Variants in COL1A1 observed in about 807,000 individuals in gnomAD.
COL1A1 encodes the protein collagen alpha-1(I) chain.
A neutral mutation model predicts 195.7 loss-of-function variants in COL1A1; 21 were observed. The ratio of observed to expected loss-of-function variants is 0.11; its 90% CI spans 0.08 to 0.15. The LOEUF is 0.15. COL1A1 is among the 10% of genes least tolerant of loss of function. COL1A1 has a pLI of 1.00. For synonymous variants in COL1A1, 749 were observed against 747.3 expected, an observed-to-expected ratio of 1.00 and a Z score of -0.04; for missense variants, 1,365 against 2,051.0, an observed-to-expected ratio of 0.67 and a Z score of 6.46.
At chr17:50,198,130 G>A in intron 7 of COL1A1, 31 bp downstream of exon 7, 1 of 1,613,784 alleles carries the variant, frequency 6.2e-7, no homozygotes, top group Non-Finnish European at 8.5e-7. Context: ...CAAAGCCCAA[G>A]GAGGCATATG....
Position 50,188,735 on chromosome 17 carries a change from A to C in COL1A1, c.3099+7T>G, listed in dbSNP as rs201682029. ...AAGGCTGTGGTCATGGAGTGTTGCCATCTTACCTTGGCGCCAGGAGAACCG... is the reference window on the plus strand; with the variant it reads ...AAGGCTGTGGTCATGGAGTGTTGCCCTCTTACCTTGGCGCCAGGAGAACCG... On this transcript the variant is annotated splice_region_variant and intron_variant, in intron 42 of 50. Transcript: ENST00000225964. This position sits in a 1 kb window ranked among gnomAD's most constrained non-coding sequence, Gnocchi z 5.6. 1.2e-6 allele frequency: 2 copies of C among 1,614,018 alleles called. No individual in the cohort carries two copies. Among genetic ancestry groups the C allele is most frequent in the Non-Finnish European group, 8.5e-7 (1 of 1,179,946 alleles).
rs745320719 is a variant in COL1A1 at position 50,186,824 on chromosome 17, G to A, written c.3630C>T (p.His1210=). Residue 1210 remains histidine, a synonymous_variant, in exon 48 of 51, where the codon CAC becomes CAT. Transcript: ENST00000225964. This position sits in a 1 kb window ranked among gnomAD's most constrained non-coding sequence, Gnocchi z 5.3. ...CAGCCCGGTAGTAGCGGCCACCATC[G>A]TGAGCCTTCTCTTGAGGTGGCTGGG... is the stretch of plus-strand genomic sequence containing the variant. ...FLPQPPQEKA[H]DGGRYYRADD... The A allele has an allele frequency of 1.4e-5, 22 of 1,614,054 alleles. No homozygotes were observed. Among genetic ancestry groups the A allele is most frequent in the South Asian group, 4.4e-5 (4 of 91,088 alleles).
Position 50,188,350 on chromosome 17 carries a change from G to T in COL1A1, c.3207+180C>A. The T allele has an allele frequency of 2.5e-6, 2 of 813,432 alleles. No homozygotes were observed. Among genetic ancestry groups the T allele is most frequent in the East Asian group, 2.7e-5 (1 of 37,542 alleles). The allele number at this position is 813,432 out of a possible 1,614,324, so 50.4% of individuals were successfully genotyped here. The stretch of plus-strand genomic sequence containing the variant: ...CTCATGGGAGAGGCGGTCCTGTCTG[G>T]GAGAGGGGACTTGGGGCTGAGCTTT... On this transcript the variant is annotated intron_variant, in intron 43 of 50. Transcript: ENST00000225964. The surrounding 1 kb of genome is among the most constrained non-coding windows in gnomAD (Gnocchi z 5.6).
At position 50,190,673 on chromosome 17, in the gene COL1A1, C is replaced by T. The variant is rs1906998562; in HGVS notation, c.2344-77G>A. The T allele has an allele frequency of 6.5e-7, 1 of 1,548,694 alleles. No homozygotes were observed. The highest frequency in any genetic ancestry group is 8.9e-7 in the Non-Finnish European group (1 of 1,126,536). ...TAGTAGATGACCCCAGGAGAGCCTC[C>T]CCTCCTTCTGGTCCCTCCAGGTTCC... On this transcript the variant is annotated intron_variant, in intron 33 of 50. Transcript: ENST00000225964. This position sits in a 1 kb window ranked among gnomAD's most constrained non-coding sequence, Gnocchi z 4.7.
chr17:50,189,414 G>T lies in COL1A1; in HGVS notation c.2792C>A (p.Ala931Asp). The change falls in exon 39 of 51, where the codon GCT becomes GAT. Residue 931 changes from alanine to aspartate, a missense_variant. Ala to Asp is a moderately radical substitution (Grantham distance 126, BLOSUM62 -2). Around this residue, in one of 5 missense-constraint regions of COL1A1, gnomAD observed 671 missense variants for 1,099.9 expected, o/e 0.61. Transcript: ENST00000225964. The surrounding 1 kb of genome is among the most constrained non-coding windows in gnomAD (Gnocchi z 5.5). ...AGCACCAGGGGATCCTTTCTCGCCA[G>T]CAGGGCCAGGGGGACCAGGGGGACC... ...EVGPPGPPGPAGEKGSPGADG... is the reference protein window; with the variant it reads ...EVGPPGPPGPDGEKGSPGADG... 1 of 1,613,748 alleles carries T rather than the reference G, an allele frequency of 6.2e-7. No homozygotes were observed. The highest frequency in any genetic ancestry group is 8.5e-7 in the Non-Finnish European group (1 of 1,179,976).
rs769282969 is a variant in COL1A1, at chr17:50,189,553, G to C, written c.2668-15C>G. 19 of 1,613,572 alleles carry C rather than the reference G, an allele frequency of 1.2e-5. No homozygotes were observed. The highest frequency in any genetic ancestry group is 1.6e-5 in the Non-Finnish European group (19 of 1,179,886). ...CCAGCATTTCCCTGGATGAGGATAG[G>C]AGGGGCTGTCAGACTCCAGGGGGCT... is the stretch of plus-strand genomic sequence containing the variant. On this transcript the variant is annotated splice_polypyrimidine_tract_variant and intron_variant, in intron 38 of 50. Transcript: ENST00000225964. This position sits in a 1 kb window ranked among gnomAD's most constrained non-coding sequence, Gnocchi z 5.5.
Position 50,195,731 on chromosome 17 carries a change from C to A in COL1A1, c.1057-66G>T. 1 of 1,511,942 alleles carries A rather than the reference C, an allele frequency of 6.6e-7. No homozygotes were observed. The highest frequency in any genetic ancestry group is 9.1e-7 in the Non-Finnish European group (1 of 1,096,938). The allele number at this position is 1,511,942 out of a possible 1,614,324, so 93.7% of individuals were successfully genotyped here. On this transcript the variant is annotated intron_variant, in intron 16 of 50. Transcript: ENST00000225964. The surrounding 1 kb of genome is among the most constrained non-coding windows in gnomAD (Gnocchi z 4.3). ...AACCCAACCTTGCCTCTCGGGATGG[C>A]AGGAGGAAGGGGAGACAGGGACAGG...
chr17:50,200,966 G>A (rs373694833), intron 1 of COL1A1, among the ~76,000 whole-genome samples: 2 of 152,186 alleles, frequency 1.3e-5, no homozygotes, highest in Admixed American at 6.5e-5. Flanking sequence ...CCCCCTCCGC[G>A]GCTGCCCAGC....
chr17:50,198,583 C>A, intron 5 of COL1A1, 79 bp from the exon 6 acceptor site: 1 of 1,099,750 alleles, frequency 9.1e-7, no homozygotes, highest in South Asian at 1.3e-5. Context: ...AAGAAACTGA[C>A]ATCATGCACT....
chr17:50,187,235 C>T lies in COL1A1; in HGVS notation c.3424-113G>A, dbSNP rs1228666237. 3.2e-6 allele frequency: 3 copies of T among 943,832 alleles called. No individual in the cohort carries two copies. In the African/African-American group the frequency reaches 4.9e-5, roughly 15 times the overall value. The allele number at this position is 943,832 out of a possible 1,614,324, so 58.5% of individuals were successfully genotyped here. A position where few individuals can be genotyped will look rare whatever the true frequency, so the allele number is the denominator to read the frequency against. ...GCTCTGGCCCCACGGCTCATAGAGC[C>T]AGCCTCAGCCTCTTTCCATAGGACA... On this transcript the variant is annotated intron_variant, in intron 46 of 50. Coordinates refer to ENST00000225964, the MANE Select transcript of COL1A1 (RefSeq NM_000088.4).
intron 29 of COL1A1, 84 bp from the exon 30 acceptor site, chr17:50,192,108 G>T: frequency 1.4e-6 from 2 of 1,453,116 alleles, no homozygotes; most frequent in South Asian, 1.2e-5. Context: ...TTCCTCCTGG[G>T]GTCTGGCCGT....
In COL1A1 at chr17:50,199,944, G is replaced by T. The variant is rs1198474319; in HGVS notation, c.107C>A (p.Pro36Gln). The T allele has an allele frequency of 6.2e-7, 1 of 1,614,040 alleles. No homozygotes were observed. The highest frequency in any genetic ancestry group is 1.1e-5 in the South Asian group (1 of 91,088). The change falls in exon 2 of 51, where the codon CCA becomes CAA. Residue 36 changes from proline (P) to glutamine (Q), a missense_variant. Coordinates refer to ENST00000225964, the MANE Select transcript of COL1A1 (RefSeq NM_000088.4). ...GQVEGQDEDIPPITCVQNGLR... is the reference protein window; with the variant it reads ...GQVEGQDEDIQPITCVQNGLR... ...GCCGTTCTGTACGCAGGTGATTGGT[G>T]GGACTGGGACAGGCGGAAGAGGGGC...
In COL1A1 at chr17:50,188,830, C is replaced by T. The variant is rs200834452; in HGVS notation, c.3046-35G>A. The T allele has an allele frequency of 2.4e-5, 38 of 1,612,534 alleles. No homozygotes were observed. Among genetic ancestry groups the T allele is most frequent in the African/African-American group, 1.7e-4 (13 of 74,932 alleles). ...GAGAGAGAGAGAAGTGAGAGTCAGC[C>T]GGGGAAGAGGGCTTAGGCAAGGCCA... On this transcript the variant is annotated intron_variant, in intron 41 of 50. Transcript: ENST00000225964. This position sits in a 1 kb window ranked among gnomAD's most constrained non-coding sequence, Gnocchi z 5.6.
rs745506447 is a variant in COL1A1 at position 50,186,706 on chromosome 17, C to T, written c.3748G>A (p.Gly1250Ser). ...QQIENIRSPEGSRKNPARTCR... is the reference protein window; with the variant it reads ...QQIENIRSPESSRKNPARTCR... The stretch of plus-strand genomic sequence containing the variant: ...GTGCGGGCGGGGTTCTTGCGGCTGC[C>T]CTCTGGGCTCCGGATGTTCTCGATC... Residue 1250 changes from glycine (G) to serine (S), a missense_variant, in exon 48 of 51, where the codon GGC becomes AGC. Physicochemically the swap from Gly to Ser is moderately conservative, Grantham distance 56 (BLOSUM62 0). Coordinates refer to ENST00000225964, the MANE Select transcript of COL1A1 (RefSeq NM_000088.4). The surrounding 1 kb of genome is among the most constrained non-coding windows in gnomAD (Gnocchi z 5.3). 1 of 1,613,636 alleles carries T rather than the reference C, an allele frequency of 6.2e-7. No individual in the cohort carries two copies. Among genetic ancestry groups the T allele is most frequent in the South Asian group, 1.1e-5 (1 of 91,080 alleles).
In COL1A1 at chr17:50,186,655, A is replaced by G. The variant is rs1906552045; in HGVS notation, c.3799T>C (p.Ser1267Pro). The G allele has an allele frequency of 6.2e-7, 1 of 1,613,498 alleles. No individual in the cohort carries two copies. Among genetic ancestry groups the G allele is most frequent in the Non-Finnish European group, 8.5e-7 (1 of 1,180,006 alleles). The change falls in exon 48 of 51, where the codon TCT (serine) becomes CCT (proline). Residue 1267 changes from serine to proline, a missense_variant. Ser to Pro is a moderately conservative substitution (Grantham distance 74, BLOSUM62 -1). Around this residue, in one of 5 missense-constraint regions of COL1A1, gnomAD observed 273 missense variants for 338.6 expected, o/e 0.81. Coordinates refer to ENST00000225964, the MANE Select transcript of COL1A1 (RefSeq NM_000088.4). This position sits in a 1 kb window ranked among gnomAD's most constrained non-coding sequence, Gnocchi z 5.3. ...RTCRDLKMCH[S>P]DWKSGEYWID... is the part of the protein sequence containing the mutation. ...AGGCCCTCACCACTCTTCCAGTCAG[A>G]GTGGCACATCTTGAGGTCACGGCAG...
rs1906986234 is a variant in COL1A1 at position 50,190,514 on chromosome 17, T to C, written c.2397+29A>G. Reference sequence around the variant, plus strand: ...TGTGAAGGGAGGGAAGGGCCAAGTATGGGGTCTTAACAGGTCTTCTGTACT... The same window carrying C: ...TGTGAAGGGAGGGAAGGGCCAAGTACGGGGTCTTAACAGGTCTTCTGTACT... On this transcript the variant is annotated intron_variant, in intron 34 of 50. Coordinates refer to ENST00000225964, the MANE Select transcript of COL1A1 (RefSeq NM_000088.4). The surrounding 1 kb of genome is among the most constrained non-coding windows in gnomAD (Gnocchi z 4.7). The C allele has an allele frequency of 1.2e-6, 2 of 1,612,730 alleles. No individual in the cohort carries two copies. Among genetic ancestry groups the C allele is most frequent in the Non-Finnish European group, 1.7e-6 (2 of 1,179,244 alleles).
At position 50,186,563 on chromosome 17, in the gene COL1A1, G is replaced by A; in HGVS notation, c.3815-56C>T. ...GGAAAGGGAGCAGCCAGCACCATATGGTAGGGGCACATATGGGCATGGGGA... is the reference window on the plus strand; with the variant it reads ...GGAAAGGGAGCAGCCAGCACCATATAGTAGGGGCACATATGGGCATGGGGA... On this transcript the variant is annotated intron_variant, in intron 48 of 50. Coordinates refer to ENST00000225964, the MANE Select transcript of COL1A1 (RefSeq NM_000088.4). This position sits in a 1 kb window ranked among gnomAD's most constrained non-coding sequence, Gnocchi z 5.3. 2 of 1,613,638 alleles carry A rather than the reference G, an allele frequency of 1.2e-6. No homozygotes were observed. Among genetic ancestry groups the A allele is most frequent in the South Asian group, 1.1e-5 (1 of 91,070 alleles).
rs1906730944 is a variant in COL1A1 at position 50,188,217 on chromosome 17, C to T, written c.3208-68G>A. ...CTGAGGCTGGGGCTGCAGGATGAGGCCTCCCCTCTGCTGGATCTCTCTCTC... is the reference window on the plus strand; with the variant it reads ...CTGAGGCTGGGGCTGCAGGATGAGGTCTCCCCTCTGCTGGATCTCTCTCTC... On this transcript the variant is annotated intron_variant, in intron 43 of 50. Coordinates refer to ENST00000225964, the MANE Select transcript of COL1A1 (RefSeq NM_000088.4). This position sits in a 1 kb window ranked among gnomAD's most constrained non-coding sequence, Gnocchi z 5.6. 1 of 1,388,894 alleles carries T rather than the reference C, an allele frequency of 7.2e-7. No homozygotes were observed. Among genetic ancestry groups the T allele is most frequent in the East Asian group, 2.5e-5 (1 of 39,878 alleles). The allele number at this position is 1,388,894 out of a possible 1,614,324, so 86.0% of individuals were successfully genotyped here.
chr17:50,198,077 G>A (rs775120673), intron 7 of COL1A1, 75 bp from the exon 8 acceptor site: 4 of 1,602,024 alleles, frequency 2.5e-6, no homozygotes, highest in Non-Finnish European at 3.4e-6. Context: ...AGAGATCTCT[G>A]AGCATCTCTC....
Sources: allele counts gnomAD v4.1 joint callset (sites outside exome capture counted in the v4.1 genomes callset), GRCh38; gene constraint gnomAD v4.1.1; regional missense constraint gnomAD v4.1.1; non-coding constraint Gnocchi (gnomAD v3.1); transcripts MANE v1.5; gene names NCBI Gene and HGNC (gene_info 2026-07-23, HGNC 2026-07-21).